EHBP1: variants seen among roughly 807,000 people sequenced by gnomAD.
EHBP1 encodes EH domain-binding protein 1.
In EHBP1, 55 loss-of-function variants were observed where a neutral mutation model predicts 144.0. That is an observed-to-expected ratio of 0.38 (90% confidence interval 0.31 to 0.48). The LOEUF (loss-of-function observed/expected upper bound fraction) is 0.48. Ranked by LOEUF, EHBP1 falls within the 20% of genes least tolerant of loss-of-function variation. The probability of loss-of-function intolerance (pLI) is 0.98; values close to 1 mark genes in which losing one functional copy is unlikely to be tolerated. For synonymous variants in EHBP1, 469 were observed against 472.7 expected, an observed-to-expected ratio of 0.99 and a Z score of 0.10; for missense variants, 1,200 against 1,364.2, an observed-to-expected ratio of 0.88 and a Z score of 1.90.
At chr2:62,677,069 A>T (rs995255704) in intron 1 of EHBP1, among the ~76,000 whole-genome samples, 1 of 152,058 alleles carries the variant, frequency 6.6e-6, no homozygotes, top group Non-Finnish European at 1.5e-5. Flanking sequence ...GTGGTCGGGG[A>T]GGGACAGGTA....
intron 1 of EHBP1, among the ~76,000 whole-genome samples, chr2:62,681,159 A>G (rs972761473): frequency 1.3e-5 from 2 of 151,068 alleles, no homozygotes; most frequent in East Asian, 3.9e-4. Context: ...CTAAAAATAC[A>G]AAGATTAGCC....
At chr2:62,788,636 TAAGA>T (rs2042971391) in intron 5 of EHBP1, among the ~76,000 whole-genome samples, 1 of 152,202 alleles carries the variant, frequency 6.6e-6, no homozygotes, top group Non-Finnish European at 1.5e-5. Context: ...TCCTTTCACT[TAAGA>T]AAAGCAATTA....
In EHBP1 at chr2:62,841,696, A is replaced by G. The variant is rs1295466277; in HGVS notation, c.634+10538A>G. On this transcript the variant is annotated intron_variant, in intron 7 of 22. Coordinates refer to ENST00000431489, the MANE Select transcript of EHBP1 (RefSeq NM_001142616.3). ...ATAATGATGGCAGCAATAATTTTTTAAATGTGATATCTTTCCCATCTTTGA... is the reference window on the plus strand; with the variant it reads ...ATAATGATGGCAGCAATAATTTTTTGAATGTGATATCTTTCCCATCTTTGA... Among the ~76,000 whole-genome samples, 3 of 152,270 alleles carry G rather than the reference A, an allele frequency of 2.0e-5. No homozygotes were observed. The South Asian group carries it at 6.2e-4, about 32-fold the overall frequency.
At chr2:63,037,349 G>GAAT in intron 19 of EHBP1, among the ~76,000 whole-genome samples, 186 bp from the exon 20 acceptor site, 1 of 151,888 alleles carries the variant, frequency 6.6e-6, no homozygotes, top group Non-Finnish European at 1.5e-5. Context: ...TATGCATGCC[G>GAAT]AATAATACCA....
intron 1 of EHBP1, among the ~76,000 whole-genome samples, chr2:62,676,054 C>A (rs947929696): frequency 2.0e-5 from 3 of 152,168 alleles, no homozygotes; most frequent in Non-Finnish European, 2.9e-5. Flanking sequence ...CTGCACCCGA[C>A]CTCGTGGTTA....
chr2:62,807,173 A>T (rs184533591), intron 5 of EHBP1, among the ~76,000 whole-genome samples: 3 of 152,256 alleles, frequency 2.0e-5, no homozygotes, highest in Non-Finnish European at 4.4e-5. Context: ...TCACGGGACA[A>T]CATACGCATA....
chr2:62,949,921 C>A (rs996804463), intron 13 of EHBP1, among the ~76,000 whole-genome samples: 5 of 152,018 alleles, frequency 3.3e-5, no homozygotes, highest in African/African-American at 1.2e-4. Flanking sequence ...AGTTATGATA[C>A]CTGGTTTTCC....
chr2:62,809,565 T>C (rs527848278), intron 5 of EHBP1, among the ~76,000 whole-genome samples: 1 of 152,268 alleles, frequency 6.6e-6, no homozygotes, highest in African/African-American at 2.4e-5. Context: ...CATGGGTAGA[T>C]TGTGTGATGC....
At chr2:62,699,798 CA>C (rs2034220835) in intron 1 of EHBP1, among the ~76,000 whole-genome samples, 1 of 152,200 alleles carries the variant, frequency 6.6e-6, no homozygotes, top group Non-Finnish European at 1.5e-5. Flanking sequence ...TCCAGATTAA[CA>C]ACAGAAGTTA....
At chr2:63,027,632 T>TA (rs1259927669) in intron 19 of EHBP1, among the ~76,000 whole-genome samples, 1 of 152,176 alleles carries the variant, frequency 6.6e-6, no homozygotes, top group Non-Finnish European at 1.5e-5. Flanking sequence ...TGGGGAAGCA[T>TA]AATTCCCATC....
chr2:62,936,839 T>C (rs536732077), intron 10 of EHBP1, among the ~76,000 whole-genome samples: 2 of 152,202 alleles, frequency 1.3e-5, no homozygotes, highest in Non-Finnish European at 1.5e-5. Context: ...ATTCTCACTG[T>C]TGATAGTTTT....
At chr2:62,721,094 T>G (rs2036180477) in intron 2 of EHBP1, among the ~76,000 whole-genome samples, 1 of 152,252 alleles carries the variant, frequency 6.6e-6, no homozygotes, top group South Asian at 2.1e-4. Context: ...TAGTCCAGGT[T>G]ACCACATTGC....
intron 7 of EHBP1, among the ~76,000 whole-genome samples, chr2:62,837,407 G>A (rs1465335003): frequency 3.3e-5 from 5 of 149,568 alleles, no homozygotes; most frequent in Non-Finnish European, 4.5e-5. Context: ...AAAGACCATC[G>A]AGACTAGGAA....
chr2:62,937,120 T>C (rs1279344869), intron 10 of EHBP1, among the ~76,000 whole-genome samples: 1 of 152,240 alleles, frequency 6.6e-6, no homozygotes, highest in Non-Finnish European at 1.5e-5. Flanking sequence ...ATCAACTAAT[T>C]AAACATATAG....
At chr2:63,000,822 G>A (rs990958863) in intron 19 of EHBP1, among the ~76,000 whole-genome samples, 1 of 151,310 alleles carries the variant, frequency 6.6e-6, no homozygotes, top group Admixed American at 6.6e-5. Flanking sequence ...TCTTAATGGT[G>A]TGTGTGTGTG....
chr2:62,846,935 C>T (rs143146109), intron 7 of EHBP1, among the ~76,000 whole-genome samples: 76 of 152,214 alleles, frequency 5.0e-4, no homozygotes, highest in Admixed American at 1.4e-3. Context: ...AACTCAATGC[C>T]AGTCATAATC....
chr2:62,842,710 T>G (rs2047999944), intron 7 of EHBP1, among the ~76,000 whole-genome samples: 1 of 152,218 alleles, frequency 6.6e-6, no homozygotes, highest in African/African-American at 2.4e-5. Flanking sequence ...TAATTGGATC[T>G]TTTTAGTTAG....
intron 10 of EHBP1, among the ~76,000 whole-genome samples, chr2:62,935,736 A>G (rs1022399933): frequency 6.6e-6 from 1 of 152,154 alleles, no homozygotes; most frequent in Non-Finnish European, 1.5e-5. Context: ...AATAAAAGTG[A>G]TGATAGATGC....
chr2:62,979,116 A>C, intron 14 of EHBP1, 72 bp from the exon 15 acceptor site: 1 of 1,504,428 alleles, frequency 6.6e-7, no homozygotes, highest in Non-Finnish European at 9.0e-7. Flanking sequence ...AGTTACTATC[A>C]TGATGATCAG....
Sources: gnomAD v4.1 joint callset for allele counts (sites outside exome capture counted in the v4.1 genomes callset) on GRCh38, gnomAD v4.1.1 for gene constraint, MANE v1.5 for transcripts, NCBI Gene and HGNC (gene_info 2026-07-23, HGNC 2026-07-21) for gene names.